ANG: variants seen among roughly 807,000 people sequenced by gnomAD.
ANG encodes the protein angiogenin.
For synonymous variants in ANG, 74 were observed against 73.8 expected, an observed-to-expected ratio of 1.00 and a Z score of -0.02; for missense variants, 178 against 187.4, an observed-to-expected ratio of 0.95 and a Z score of 0.29.
At chr14:20,688,420 C>T (rs1886528876), upstream of ANG, among the ~76,000 whole-genome samples, 1 of 152,222 alleles carries the variant, frequency 6.6e-6, no homozygotes, top group African/African-American at 2.4e-5. Context: ...TACTCTGTGA[C>T]ATCTTCCAAG....
chr14:20,684,911 G>A (rs1242028204), upstream of ANG, among the ~76,000 whole-genome samples: 2 of 152,292 alleles, frequency 1.3e-5, no homozygotes, highest in East Asian at 3.9e-4. Context: ...GGAGGGACGT[G>A]AAAGTCCCGT....
At chr14:20,688,978 T>G (rs951875163) in intron 1 of ANG, 104 bp downstream of exon 1, 2 of 542,468 alleles carry the variant, frequency 3.7e-6, no homozygotes, top group Non-Finnish European at 4.7e-6. Context: ...AGCTCATGAA[T>G]TAAAAAGAAA....
At chr14:20,693,440 A>G (rs537710359) in intron 1 of ANG, 107 bp from the exon 2 acceptor site, 1 of 1,454,562 alleles carries the variant, frequency 6.9e-7, no homozygotes, top group South Asian at 1.2e-5. Context: ...TGGTGGTGGA[A>G]AAGATCTGAT....
chr14:20,692,742 T>G (rs1470782870), intron 1 of ANG, among the ~76,000 whole-genome samples: 4 of 152,222 alleles, frequency 2.6e-5, no homozygotes, highest in Non-Finnish European at 5.9e-5. Context: ...AAAACTCTCT[T>G]CTTAGCTCTC....
In ANG at chr14:20,694,039, G is replaced by A. The variant is rs1183280186; in HGVS notation, c.*31G>A. 2.5e-6 allele frequency: 4 copies of A among 1,612,688 alleles called. No homozygotes were observed. Among genetic ancestry groups the A allele is most frequent in the South Asian group, 2.2e-5 (2 of 91,014 alleles). ...GGGCCCCTGGTCAAGTGCTGGCTCT[G>A]CTGTCCTTGCCTTCCATTTCCCCTC... is the stretch of plus-strand genomic sequence containing the variant. On this transcript the variant is annotated 3_prime_UTR_variant, in exon 2 of 2. Transcript: ENST00000397990.
upstream of ANG, chr14:20,688,623 G>C: frequency 2.3e-6 from 2 of 856,658 alleles, no homozygotes; most frequent in South Asian, 1.1e-4. Context: ...AATCCATTCA[G>C]GTGGGTTAAT....
rs1304204957 is a variant in ANG, at chr14:20,689,548, C to T, written c.-19+674C>T. Among the ~76,000 whole-genome samples, 3 of 152,082 alleles carry T rather than the reference C, an allele frequency of 2.0e-5. No homozygotes were observed. In the East Asian group the frequency reaches 5.8e-4, roughly 29 times the overall value. ...TGAATCTTTTGAATACTGAACATTG[C>T]CTGTGGGGAGAGGGAGAGAATAATT... On this transcript the variant is annotated intron_variant, in intron 1 of 1. Coordinates refer to ENST00000397990, the MANE Select transcript of ANG (RefSeq NM_001097577.3).
At chr14:20,690,256 AAAG>A (rs1339828102) in intron 1 of ANG, among the ~76,000 whole-genome samples, 1 of 151,258 alleles carries the variant, frequency 6.6e-6, no homozygotes, top group Non-Finnish European at 1.5e-5. Context: ...AAAGAAAAGA[AAAG>A]AAAAAAAGGA....
chr14:20,689,953 C>A, intron 1 of ANG, among the ~76,000 whole-genome samples: 1 of 148,450 alleles, frequency 6.7e-6, no homozygotes, highest in African/African-American at 2.5e-5. Context: ...CGGTGGCTCA[C>A]GCCTGTAATC....
Position 20,693,555 on chromosome 14 carries a change from G to T in ANG, c.-10G>T, listed in dbSNP as rs199509897. The T allele has an allele frequency of 1.9e-6, 3 of 1,611,760 alleles. No individual in the cohort carries two copies. Among genetic ancestry groups the T allele is most frequent in the Non-Finnish European group, 2.5e-6 (3 of 1,180,044 alleles). The stretch of plus-strand genomic sequence containing the variant: ...CCTTTTGCCCTCCGCAGGAGCCTGT[G>T]TTGGAAGAGATGGTGATGGGCCTGG... On this transcript the variant is annotated 5_prime_UTR_variant, in exon 2 of 2. Coordinates refer to ENST00000397990, the MANE Select transcript of ANG (RefSeq NM_001097577.3).
upstream of ANG, among the ~76,000 whole-genome samples, chr14:20,687,218 C>T (rs1026508702): frequency 6.6e-6 from 1 of 152,200 alleles, no homozygotes; most frequent in African/African-American, 2.4e-5. Flanking sequence ...AATTTTTCCC[C>T]CAAACCCTAC....
chr14:20,685,505 C>A (rs1335407345), upstream of ANG, among the ~76,000 whole-genome samples: 1 of 152,186 alleles, frequency 6.6e-6, no homozygotes. Context: ...CACAGGACCA[C>A]CTTCCCAGAA....
intron 1 of ANG, among the ~76,000 whole-genome samples, chr14:20,691,290 G>A (rs905869156): frequency 6.6e-6 from 1 of 152,222 alleles, no homozygotes; most frequent in African/African-American, 2.4e-5. Flanking sequence ...GCACCAGGCA[G>A]AAGAATGTTG....
upstream of ANG, among the ~76,000 whole-genome samples, chr14:20,688,014 T>A (rs1183706420): frequency 2.0e-5 from 3 of 152,214 alleles, no homozygotes; most frequent in African/African-American, 7.2e-5. Flanking sequence ...CTGGTGACCT[T>A]TGGCCCACTG....
chr14:20,690,357 T>C (rs1198750741), intron 1 of ANG, among the ~76,000 whole-genome samples: 1 of 152,184 alleles, frequency 6.6e-6, no homozygotes, highest in East Asian at 1.9e-4. Flanking sequence ...ATAGGACTTT[T>C]GCCACCAGAT....
chr14:20,691,427 C>G (rs1269007679), intron 1 of ANG, among the ~76,000 whole-genome samples: 4 of 152,192 alleles, frequency 2.6e-5, no homozygotes, highest in Non-Finnish European at 4.4e-5. Context: ...AGGAAACACA[C>G]CCAGGAGACT....
rs1006723566 is a variant in ANG at position 20,692,941 on chromosome 14, G to C, written c.-18-606G>C. Among the ~76,000 whole-genome samples, 3 of 152,004 alleles carry C rather than the reference G, an allele frequency of 2.0e-5. No homozygotes were observed. The East Asian group carries it at 5.8e-4, about 29-fold the overall frequency. On this transcript the variant is annotated intron_variant, in intron 1 of 1. Transcript: ENST00000397990. ...CGGCTCACTGCAAGCTCCGCCTCCCGGGTTCACGCCATTCTCCTGCCTCAG... is the reference window on the plus strand; with the variant it reads ...CGGCTCACTGCAAGCTCCGCCTCCCCGGTTCACGCCATTCTCCTGCCTCAG...
At chr14:20,690,949 A>G (rs1886710486) in intron 1 of ANG, among the ~76,000 whole-genome samples, 1 of 152,204 alleles carries the variant, frequency 6.6e-6, no homozygotes, top group South Asian at 2.1e-4. Flanking sequence ...AAACCTGACA[A>G]CAGGTCGGTC....
upstream of ANG, among the ~76,000 whole-genome samples, chr14:20,685,265 C>T (rs941271301): frequency 6.6e-6 from 1 of 152,172 alleles, no homozygotes. Context: ...CTTCTCTAAG[C>T]CTTCCTACTG....
Sources: allele counts gnomAD v4.1 joint callset (sites outside exome capture counted in the v4.1 genomes callset), GRCh38; gene constraint gnomAD v4.1.1; transcripts MANE v1.5; gene names NCBI Gene and HGNC (gene_info 2026-07-23, HGNC 2026-07-21).